The following CDH1 variants were observed in gnomAD, a reference collection of about 807,000 sequenced individuals.
CDH1 encodes the protein cadherin-1.
Under a neutral mutation model 84.5 loss-of-function variants are expected in CDH1, and 35 were observed. That is an observed-to-expected ratio of 0.41 (90% CI 0.32 to 0.55). The LOEUF (loss-of-function observed/expected upper bound fraction) is 0.55. CDH1 is among the 20% of genes least tolerant of loss of function. The pLI is 0.19. For missense variants in CDH1, 994 were observed against 1,126.6 expected, an observed-to-expected ratio of 0.88 and a Z score of 1.68; for synonymous variants, 417 against 439.0, an observed-to-expected ratio of 0.95 and a Z score of 0.63.
rs536314715 is a variant in CDH1, at chr16:68,809,226, C to CTTTT, written c.687+391_687+394dup. ...CAAGAGCTTAGGAAAACCAAGAGGT[C>CTTTT]TTTTTTTTTTTTTTTTGAGATAGGG... On this transcript the variant is annotated intron_variant, in intron 5 of 15. Coordinates refer to ENST00000261769, the MANE Select transcript of CDH1 (RefSeq NM_004360.5). 1.1e-3 allele frequency among the ~76,000 whole-genome samples: 151 copies of CTTTT among 135,482 alleles called. 3 individuals are homozygous for CTTTT. The highest frequency in any genetic ancestry group is 2.3e-3 in the African/African-American group (85 of 36,520). 88.9% of individuals were successfully genotyped at this position (135,482 alleles called of 152,430 possible). A position where few individuals can be genotyped will look rare whatever the true frequency, so the allele number is the denominator to read the frequency against.
intron 5 of CDH1, chr16:68,809,079 C>A (rs1193039923): frequency 5.4e-6 from 3 of 557,974 alleles, no homozygotes; most frequent in South Asian, 4.0e-5. Flanking sequence ...CATCCTCATA[C>A]AACCAGGACA....
At chr16:68,796,950 C>T (rs1960378627) in intron 2 of CDH1, among the ~76,000 whole-genome samples, 1 of 152,030 alleles carries the variant, frequency 6.6e-6, no homozygotes, top group African/African-American at 2.4e-5. Flanking sequence ...CCAGCCTGGG[C>T]AACGTGGCAA....
intron 10 of CDH1, among the ~76,000 whole-genome samples, chr16:68,818,519 G>A (rs1961043974): frequency 6.8e-6 from 1 of 146,910 alleles, no homozygotes; most frequent in Non-Finnish European, 1.5e-5. Context: ...TGTATTGTTG[G>A]TTTTCTTGGT....
rs891540581 is a variant in CDH1 at position 68,822,469 on chromosome 16, T to C, written c.1936+244T>C. ...AAGCAGGGCTCCCTCTCCCAGCCTC[T>C]AGCCACCCTCCACTCCCCTCTCCAC... On this transcript the variant is annotated intron_variant, in intron 12 of 15. Transcript: ENST00000261769. The C allele has an allele frequency of 5.2e-6, 3 of 580,082 alleles. No individual in the cohort carries two copies. The African/African-American group carries it at 5.6e-5, about 11-fold the overall frequency. The allele number at this position is 580,082 out of a possible 1,614,324, so 35.9% of individuals were successfully genotyped here. A position where few individuals can be genotyped will look rare whatever the true frequency, so the allele number is the denominator to read the frequency against.
At chr16:68,752,704 C>T (rs1160895386) in intron 2 of CDH1, among the ~76,000 whole-genome samples, 3 of 152,120 alleles carry the variant, frequency 2.0e-5, no homozygotes, top group Non-Finnish European at 2.9e-5. Flanking sequence ...GAGCTCTGCA[C>T]ACCCCTGATG....
At position 68,833,728 on chromosome 16, in the gene CDH1, C is replaced by G; in HGVS notation, c.*229C>G. 1 of 545,132 alleles carries G rather than the reference C, an allele frequency of 1.8e-6. No homozygotes were observed. Among genetic ancestry groups the G allele is most frequent in the Non-Finnish European group, 3.3e-6 (1 of 305,936 alleles). 33.8% of individuals were successfully genotyped at this position (545,132 alleles called of 1,614,324 possible). The stretch of plus-strand genomic sequence containing the variant: ...TAAAGCTTTTTTTTTTTTCCCATCA[C>G]TCTTTACATGGTGGTGATGTCCAAA... On this transcript the variant is annotated 3_prime_UTR_variant, in exon 16 of 16. Coordinates refer to ENST00000261769, the MANE Select transcript of CDH1 (RefSeq NM_004360.5).
At chr16:68,784,930 A>G (rs1960001592) in intron 2 of CDH1, among the ~76,000 whole-genome samples, 1 of 151,826 alleles carries the variant, frequency 6.6e-6, no homozygotes, top group Non-Finnish European at 1.5e-5. Context: ...ATTTTAGCAG[A>G]TGACTTTCAC....
At chr16:68,798,056 G>C (rs749039357) in intron 2 of CDH1, among the ~76,000 whole-genome samples, 1 of 151,142 alleles carries the variant, frequency 6.6e-6, no homozygotes, top group Non-Finnish European at 1.5e-5. Flanking sequence ...TCCAGCCTGG[G>C]TGACAGAGTG....
At chr16:68,742,302 C>T (rs536421409) in intron 2 of CDH1, among the ~76,000 whole-genome samples, 9 of 148,704 alleles carry the variant, frequency 6.1e-5, no homozygotes, top group African/African-American at 9.9e-5. Context: ...TTTTTTGAGA[C>T]GGAGTCTCGC....
Position 68,813,505 on chromosome 16 carries a change from G to A in CDH1, c.1320+10G>A, listed in dbSNP as rs747285858. 1 of 1,613,844 alleles carries A rather than the reference G, an allele frequency of 6.2e-7. No individual in the cohort carries two copies. Among genetic ancestry groups the A allele is most frequent in the South Asian group, 1.1e-5 (1 of 91,064 alleles). Reference sequence around the variant, plus strand: ...TTTGAAAACAGCAAAGGTTTGTATGGTACCTGGCAAGATGCAGAAACTGGC... The same window carrying A: ...TTTGAAAACAGCAAAGGTTTGTATGATACCTGGCAAGATGCAGAAACTGGC... On this transcript the variant is annotated intron_variant, in intron 9 of 15. Transcript: ENST00000261769.
chr16:68,802,616 G>A lies in CDH1; in HGVS notation c.387+723G>A, dbSNP rs745525550. Among the ~76,000 whole-genome samples, 15 of 151,964 alleles carry A rather than the reference G, an allele frequency of 9.9e-5. No homozygotes were observed. In the East Asian group the frequency reaches 1.6e-3, roughly 16 times the overall value. On this transcript the variant is annotated intron_variant, in intron 3 of 15. Transcript: ENST00000261769. ...CTCCTGAGTAGCTGGGATTACAGGCGCCCGCCACCATACCCGGCTAATTTT... is the reference window on the plus strand; with the variant it reads ...CTCCTGAGTAGCTGGGATTACAGGCACCCGCCACCATACCCGGCTAATTTT...
chr16:68,830,275 C>T (rs1003590654), intron 15 of CDH1, among the ~76,000 whole-genome samples: 4 of 151,992 alleles, frequency 2.6e-5, no homozygotes, highest in African/African-American at 9.7e-5. Flanking sequence ...TAATCTGTGT[C>T]TCATCTGAAT....
chr16:68,800,063 G>T (rs1960456505), intron 2 of CDH1, among the ~76,000 whole-genome samples: 1 of 151,492 alleles, frequency 6.6e-6, no homozygotes. Flanking sequence ...AGGTTGGCTG[G>T]GCACACTGGC....
rs956679611 is a variant in CDH1, at chr16:68,821,850, G to T, written c.1712-151G>T. 2.2e-5 allele frequency: 15 copies of T among 696,282 alleles called. No individual in the cohort carries two copies. The highest frequency in any genetic ancestry group is 3.9e-5 in the Non-Finnish European group (15 of 385,058). The allele number at this position is 696,282 out of a possible 1,614,324, so 43.1% of individuals were successfully genotyped here. A position where few individuals can be genotyped will look rare whatever the true frequency, so the allele number is the denominator to read the frequency against. On this transcript the variant is annotated intron_variant, in intron 11 of 15. Transcript: ENST00000261769. ...CCACCTGGGAGTGGAGGTCCTTTGG[G>T]ATTGGTGGGACAGGAGGTTCTGCGG...
intron 12 of CDH1, 97 bp from the exon 13 acceptor site, chr16:68,823,302 C>A: frequency 1.2e-6 from 1 of 843,602 alleles, no homozygotes; most frequent in Non-Finnish European, 2.0e-6. Context: ...CTTCACTCGG[C>A]TTGCGGGTGT....
At chr16:68,815,380 A>G in intron 9 of CDH1, 135 bp from the exon 10 acceptor site, 1 of 1,126,344 alleles carries the variant, frequency 8.9e-7, no homozygotes, top group African/African-American at 1.6e-5. Context: ...TGCCATTGAA[A>G]GTCATGGCAG....
Position 68,834,193 on chromosome 16 carries a change from A to G in CDH1, c.*694A>G, listed in dbSNP as rs1222382533. On this transcript the variant is annotated 3_prime_UTR_variant, in exon 16 of 16. Coordinates refer to ENST00000261769, the MANE Select transcript of CDH1 (RefSeq NM_004360.5). ...GGTCTCAAACTCCTGGGCTCAAGTG[A>G]TCCTCCCATCTTGGCCTCCCAGAGT... 1 of 496,706 alleles carries G rather than the reference A, an allele frequency of 2.0e-6. No individual in the cohort carries two copies. Among genetic ancestry groups the G allele is most frequent in the Non-Finnish European group, 4.0e-6 (1 of 251,636 alleles). The allele number at this position is 496,706 out of a possible 1,614,324, so 30.8% of individuals were successfully genotyped here. A position where few individuals can be genotyped will look rare whatever the true frequency, so the allele number is the denominator to read the frequency against.
In CDH1 at chr16:68,812,300, G is replaced by C. The variant is rs776118060; in HGVS notation, c.1137+37G>C. 1.3e-5 allele frequency: 21 copies of C among 1,611,140 alleles called. No individual in the cohort carries two copies. In the South Asian group the frequency reaches 2.3e-4, roughly 18 times the overall value. The stretch of plus-strand genomic sequence containing the variant: ...ACTCCTTAGAGGGTTTCCAAAGAAA[G>C]GTCTTTTGTTGTTCATGAACTAAGT... On this transcript the variant is annotated intron_variant, in intron 8 of 15. Transcript: ENST00000261769.
At chr16:68,809,660 A>C (rs956424785) in intron 5 of CDH1, among the ~76,000 whole-genome samples, 8 of 152,028 alleles carry the variant, frequency 5.3e-5, no homozygotes, top group Non-Finnish European at 1.2e-4. Flanking sequence ...TGAGTAGCTG[A>C]GACTAAAGGC....
Sources: allele counts gnomAD v4.1 joint callset (sites outside exome capture counted in the v4.1 genomes callset), GRCh38; gene constraint gnomAD v4.1.1; transcripts MANE v1.5; gene names NCBI Gene and HGNC (gene_info 2026-07-23, HGNC 2026-07-21).